BLTP3A: variants seen among roughly 807,000 people sequenced by gnomAD.
BLTP3A encodes bridge-like lipid transfer protein family member 3A, also known as ICBP90 binding protein 1.
At chr6:34,843,525 C>T in the BLTP3A span, among the ~76,000 whole-genome samples, 1 of 152,016 alleles carries the variant, frequency 6.6e-6, no homozygotes, top group Admixed American at 6.6e-5. Flanking sequence ...TGCAGGCATA[C>T]GATACATAAT....
At chr6:34,872,051 C>T in the BLTP3A span, 3 of 989,604 alleles carry the variant, frequency 3.0e-6, no homozygotes, top group Non-Finnish European at 3.0e-6. Flanking sequence ...TTTTGGGTTC[C>T]TGTCACCTAG....
At chr6:34,798,613 T>TTTTTTTA in the BLTP3A span, among the ~76,000 whole-genome samples, 1 of 142,522 alleles carries the variant, frequency 7.0e-6, no homozygotes, top group African/African-American at 2.6e-5. Context: ...TTTTTTTTTT[T>TTTTTTTA]ACTTTGTCTG....
At chr6:34,805,686 C>A in the BLTP3A span, among the ~76,000 whole-genome samples, 2 of 142,674 alleles carry the variant, frequency 1.4e-5, no homozygotes, top group Non-Finnish European at 3.0e-5. Context: ...TTGCTTGAGC[C>A]TGCCCAGGAG....
the BLTP3A span, among the ~76,000 whole-genome samples, chr6:34,850,073 G>A: frequency 6.8e-6 from 1 of 147,030 alleles, no homozygotes; most frequent in African/African-American, 2.6e-5. Flanking sequence ...AACCTGGGAG[G>A]TGGAGGTTGT....
the BLTP3A span, chr6:34,875,615 A>ATTT: frequency 6.6e-6 from 1 of 152,122 alleles, no homozygotes. Context: ...GGCTCTCTAA[A>ATTT]GGAGTCCAGA....
chr6:34,838,713 G>A, the BLTP3A span, among the ~76,000 whole-genome samples: 12 of 152,230 alleles, frequency 7.9e-5, no homozygotes, highest in Admixed American at 3.9e-4. Flanking sequence ...GGAAGGCCAA[G>A]ATGGGCAGAT....
chr6:34,819,461 T>C, the BLTP3A span, among the ~76,000 whole-genome samples: 1 of 152,064 alleles, frequency 6.6e-6, no homozygotes, highest in Non-Finnish European at 1.5e-5. Flanking sequence ...GGCAGTTAGC[T>C]AAGAGATATG....
chr6:34,826,039 T>TC, the BLTP3A span, among the ~76,000 whole-genome samples: 1 of 148,298 alleles, frequency 6.7e-6, no homozygotes, highest in African/African-American at 2.5e-5. Flanking sequence ...TTTTTTTTTT[T>TC]TTTTTTTTGA....
chr6:34,825,070 A>G, the BLTP3A span, among the ~76,000 whole-genome samples: 1 of 152,152 alleles, frequency 6.6e-6, no homozygotes, highest in Admixed American at 6.5e-5. Flanking sequence ...ATATCCCACC[A>G]CACACACATT....
At chr6:34,835,465 G>A in the BLTP3A span, 1 of 1,613,592 alleles carries the variant, frequency 6.2e-7, no homozygotes, top group Non-Finnish European at 8.5e-7. Context: ...ACCTGTGCAG[G>A]TTAGAGATAA....
At chr6:34,836,120 G>A in the BLTP3A span, 1 of 1,601,832 alleles carries the variant, frequency 6.2e-7, no homozygotes, top group Non-Finnish European at 8.5e-7. Flanking sequence ...TCTTTTCAGG[G>A]TCTGGACTTC....
chr6:34,810,248 G>A, the BLTP3A span, among the ~76,000 whole-genome samples: 4 of 152,260 alleles, frequency 2.6e-5, no homozygotes, highest in South Asian at 8.3e-4. Flanking sequence ...GTTATTCAGG[G>A]TTTACAGTAT....
At chr6:34,801,747 A>C in the BLTP3A span, among the ~76,000 whole-genome samples, 1 of 151,814 alleles carries the variant, frequency 6.6e-6, no homozygotes, top group African/African-American at 2.4e-5. Flanking sequence ...TTTGAGACGG[A>C]GTCTCGCTCT....
chr6:34,871,066 G>A, the BLTP3A span: 3 of 1,613,994 alleles, frequency 1.9e-6, no homozygotes, highest in African/African-American at 1.3e-5. Context: ...GGAGATCCCG[G>A]TGGTAGTCCC....
the BLTP3A span, among the ~76,000 whole-genome samples, chr6:34,807,116 A>G: frequency 5.9e-5 from 9 of 152,216 alleles, no homozygotes; most frequent in South Asian, 2.1e-4. Flanking sequence ...GAGTTTATCA[A>G]TTATTGTCCT....
chr6:34,867,719 G>C, the BLTP3A span: 2 of 1,411,426 alleles, frequency 1.4e-6, no homozygotes, highest in South Asian at 2.9e-5. Flanking sequence ...CACTCTACTA[G>C]TGCCAAGTTC....
At chr6:34,847,427 T>C in the BLTP3A span, among the ~76,000 whole-genome samples, 1 of 152,256 alleles carries the variant, frequency 6.6e-6, no homozygotes, top group East Asian at 1.9e-4. Flanking sequence ...AGTGAAGCTA[T>C]TGGGTCCTGG....
chr6:34,865,917 G>C, the BLTP3A span, among the ~76,000 whole-genome samples: 1 of 152,182 alleles, frequency 6.6e-6, no homozygotes, highest in Non-Finnish European at 1.5e-5. Flanking sequence ...TTGAAATTAA[G>C]AACTCATGGC....
At chr6:34,802,694 TTCCAC>T in the BLTP3A span, among the ~76,000 whole-genome samples, 1 of 152,218 alleles carries the variant, frequency 6.6e-6, no homozygotes, top group Non-Finnish European at 1.5e-5. Flanking sequence ...ATCCTGGTGA[TTCCAC>T]GTTTGCATGC....
Sources: allele counts gnomAD v4.1 joint callset (sites outside exome capture counted in the v4.1 genomes callset), GRCh38; gene constraint gnomAD v4.1.1; transcripts MANE v1.5; gene names NCBI Gene and HGNC (gene_info 2026-07-23, HGNC 2026-07-21).